EPS8L2: variants seen among roughly 807,000 people sequenced by gnomAD.
The protein encoded by EPS8L2 is epidermal growth factor receptor kinase substrate 8-like protein 2.
Under a neutral mutation model 99.4 loss-of-function variants are expected in EPS8L2, and 81 were observed. The ratio of observed to expected loss-of-function variants is 0.82; its 90% confidence interval spans 0.68 to 0.98. EPS8L2 has a LOEUF of 0.98. Ranked by LOEUF, EPS8L2 falls within the 50% of genes least tolerant of loss-of-function variation. The pLI, the probability that EPS8L2 is intolerant of heterozygous loss-of-function variation, is 0.00. For missense variants in EPS8L2, 1,155 were observed against 968.8 expected (o/e 1.19, Z -2.55); for synonymous variants, 509 against 407.3 (o/e 1.25, Z -3.01).
intron 4 of EPS8L2, among the ~76,000 whole-genome samples, chr11:718,136 C>T (rs1862068938): frequency 6.6e-6 from 1 of 152,174 alleles, no homozygotes; most frequent in Non-Finnish European, 1.5e-5. Flanking sequence ...AGTTTGAGAC[C>T]ATTCTGGCCA....
chr11:726,066 G>GAT, intron 17 of EPS8L2, 32 bp from the exon 18 acceptor site: 1 of 1,440,690 alleles, frequency 6.9e-7, no homozygotes, highest in Non-Finnish European at 9.6e-7. Context: ...GGGGCGGGGC[G>GAT]TGGGGAGCCT....
At chr11:721,411 G>A in intron 9 of EPS8L2, 59 bp downstream of exon 9, 1 of 1,518,764 alleles carries the variant, frequency 6.6e-7, no homozygotes, top group Non-Finnish European at 8.8e-7. Flanking sequence ...AGTGGACACT[G>A]GTCCTTGCTG....
Position 726,036 on chromosome 11 carries a change from C to T in EPS8L2, c.1681-62C>T. The T allele has an allele frequency of 2.9e-6, 3 of 1,052,276 alleles. No homozygotes were observed. In the South Asian group the frequency reaches 4.1e-5, roughly 15 times the overall value. The allele number at this position is 1,052,276 out of a possible 1,614,324, so 65.2% of individuals were successfully genotyped here. The stretch of plus-strand genomic sequence containing the variant: ...GGGGATTGGCGGGGTGGGGAGGTCC[C>T]GGGCAGGTGCTGGGAGGCGGGGGCG... On this transcript the variant is annotated intron_variant, in intron 17 of 20. Coordinates refer to ENST00000318562, the MANE Select transcript of EPS8L2 (RefSeq NM_022772.4).
rs373680859 is a variant in EPS8L2, at chr11:718,378, G to A, written c.166-1684G>A. ...AACAAACAAAAAAACCCGCCAAACC[G>A]ACAAAACACTAAAATAAAAGAGGCT... On this transcript the variant is annotated intron_variant, in intron 4 of 20. Transcript: ENST00000318562. Among the ~76,000 whole-genome samples the A allele has an allele frequency of 2.0e-4, 31 of 151,684 alleles. No homozygotes were observed. In the East Asian group the frequency reaches 2.9e-3, roughly 14 times the overall value.
At chr11:711,709 C>T (rs955480875) in intron 4 of EPS8L2, among the ~76,000 whole-genome samples, 1 of 152,028 alleles carries the variant, frequency 6.6e-6, no homozygotes, top group Non-Finnish European at 1.5e-5. Context: ...TTAGGCCAGG[C>T]GCGGTGGCTC....
chr11:719,589 A>G (rs1036162756), intron 4 of EPS8L2, among the ~76,000 whole-genome samples: 2 of 152,248 alleles, frequency 1.3e-5, no homozygotes, highest in African/African-American at 4.8e-5. Flanking sequence ...GGCAACCGGA[A>G]CAGTGCCTTG....
intron 18 of EPS8L2, 66 bp downstream of exon 18, chr11:726,236 G>GGA: frequency 6.4e-7 from 1 of 1,564,166 alleles, no homozygotes; most frequent in Non-Finnish European, 8.7e-7. Context: ...AAGTGTGGGG[G>GGA]GGGTCCCTGG....
At chr11:718,990 G>A (rs1862087867) in intron 4 of EPS8L2, among the ~76,000 whole-genome samples, 1 of 136,036 alleles carries the variant, frequency 7.4e-6, no homozygotes, top group African/African-American at 2.8e-5. Context: ...TTTTGAGACA[G>A]AGTCTTCCTC....
chr11:710,228 G>C (rs1861848290), intron 3 of EPS8L2, 194 bp from the exon 4 acceptor site: 2 of 590,218 alleles, frequency 3.4e-6, no homozygotes, highest in African/African-American at 1.9e-5. Context: ...CTTCTCCAAG[G>C]GGGCTTCCCT....
chr11:727,011 A>G lies in EPS8L2; in HGVS notation c.*30A>G. The stretch of plus-strand genomic sequence containing the variant: ...AGCTGCCTTGGGCTGGGGCCTGCGG[A>G]GGGGAAGCCCACCCACAATGCATGG... On this transcript the variant is annotated 3_prime_UTR_variant, in exon 21 of 21. Coordinates refer to ENST00000318562, the MANE Select transcript of EPS8L2 (RefSeq NM_022772.4). 2 of 1,483,208 alleles carry G rather than the reference A, an allele frequency of 1.3e-6. No individual in the cohort carries two copies. Among genetic ancestry groups the G allele is most frequent in the Non-Finnish European group, 9.4e-7 (1 of 1,065,664 alleles). 91.9% of individuals were successfully genotyped at this position (1,483,208 alleles called of 1,614,324 possible). A position where few individuals can be genotyped will look rare whatever the true frequency, so the allele number is the denominator to read the frequency against.
chr11:720,034 C>T (rs1176933391), intron 4 of EPS8L2, 28 bp from the exon 5 acceptor site: 2 of 1,597,464 alleles, frequency 1.3e-6, no homozygotes, highest in East Asian at 2.3e-5. Flanking sequence ...AGGGCTCTGC[C>T]CAGCAGTGAC....
Position 710,411 on chromosome 11 carries a change from T to C in EPS8L2, c.101-11T>C, listed in dbSNP as rs1171915971. 6.2e-7 allele frequency: 1 copy of C among 1,613,126 alleles called. No homozygotes were observed. The highest frequency in any genetic ancestry group is 8.5e-7 in the Non-Finnish European group (1 of 1,179,730). On this transcript the variant is annotated splice_polypyrimidine_tract_variant and intron_variant, in intron 3 of 20. Coordinates refer to ENST00000318562, the MANE Select transcript of EPS8L2 (RefSeq NM_022772.4). ...GCCCGTCGGGGGAGTGACTGGTGTC[T>C]CCCGGTTCAGAGCAGAGGAAGAAGT...
intron 7 of EPS8L2, 59 bp downstream of exon 7, chr11:720,968 G>A (rs1247336941): frequency 7.8e-7 from 1 of 1,287,300 alleles, no homozygotes; most frequent in Admixed American, 2.3e-5. Context: ...CCCGGCAGGG[G>A]AGGGGAGGAG....
chr11:718,481 ATTT>A (rs748666010), intron 4 of EPS8L2, among the ~76,000 whole-genome samples: 1 of 141,018 alleles, frequency 7.1e-6, no homozygotes, highest in African/African-American at 2.6e-5. Context: ...TGCTTTTTTA[ATTT>A]TTTTTTTTTT....
intron 4 of EPS8L2, 83 bp from the exon 5 acceptor site, chr11:719,979 G>GC: frequency 7.0e-7 from 1 of 1,432,670 alleles, no homozygotes; most frequent in Non-Finnish European, 9.4e-7. Flanking sequence ...TGGCCCCTCA[G>GC]CCCCTCAGGC....
rs778497159 is a variant in EPS8L2 at position 720,919 on chromosome 11, C to CGGGCGGAGCGGGGTCGCAGG, written c.557+17_557+36dup. ...GGCCGCAGACCCTGAAGTAGGGCAG[C>CGGGCGGAGCGGGGTCGCAGG]GGGCGGAGCGGGGTCGCAGGGGGCG... On this transcript the variant is annotated intron_variant, in intron 7 of 20. Coordinates refer to ENST00000318562, the MANE Select transcript of EPS8L2 (RefSeq NM_022772.4). 105 of 1,068,562 alleles carry CGGGCGGAGCGGGGTCGCAGG rather than the reference C, an allele frequency of 9.8e-5. No homozygotes were observed. Among genetic ancestry groups the CGGGCGGAGCGGGGTCGCAGG allele is most frequent in the South Asian group, 1.7e-4 (10 of 60,520 alleles). 66.2% of individuals were successfully genotyped at this position (1,068,562 alleles called of 1,614,324 possible).
chr11:722,404 G>T lies in EPS8L2; in HGVS notation c.1063G>T (p.Val355Phe). 6.2e-7 allele frequency: 1 copy of T among 1,612,708 alleles called. No individual in the cohort carries two copies. Among genetic ancestry groups the T allele is most frequent in the Non-Finnish European group, 8.5e-7 (1 of 1,179,806 alleles). ...HFLFGPLDLIVNTCSGPDIAR... is the reference protein window; with the variant it reads ...HFLFGPLDLIFNTCSGPDIAR... Reference sequence around the variant, plus strand: ...TCTGAACCTCACTGTGCCCCAGATCGTCAACACCTGCAGTGGCCCAGACAT... The same window carrying T: ...TCTGAACCTCACTGTGCCCCAGATCTTCAACACCTGCAGTGGCCCAGACAT... Residue 355 changes from valine (V) to phenylalanine (F), a missense_variant, in exon 13 of 21, where the codon GTC becomes TTC. By Grantham distance (50) the Val-to-Phe change is conservative. Transcript: ENST00000318562.
At chr11:720,958 C>CCCGGCAGGGGATGGGAGGAG in intron 7 of EPS8L2, 49 bp downstream of exon 7, 1 of 1,015,862 alleles carries the variant, frequency 9.8e-7, no homozygotes, top group Non-Finnish European at 1.3e-6. Context: ...AGGGGAGGAG[C>CCCGGCAGGGGATGGGAGGAG]CCGGCAGGGG....
rs781623636 is a variant in EPS8L2, at chr11:726,916, T to A, written c.2083T>A (p.Ser695Thr). The change falls in exon 21 of 21, where the codon TCG becomes ACG. Residue 695 changes from serine (S) to threonine (T), a missense_variant. Physicochemically the swap from Ser to Thr is moderately conservative, Grantham distance 58. Coordinates refer to ENST00000318562, the MANE Select transcript of EPS8L2 (RefSeq NM_022772.4). ...TCCTCCCTAGAAGCAGCAAAGTGGG[T>A]CGGAGCTGGAAGAACTCATGAACAA... The part of the protein sequence containing the change: ...KAFLEKQQSG[S>T]ELEELMNKFH... The A allele has an allele frequency of 1.2e-6, 2 of 1,613,126 alleles. No individual in the cohort carries two copies. The highest frequency in any genetic ancestry group is 1.7e-6 in the Non-Finnish European group (2 of 1,179,844).
Sources: allele counts gnomAD v4.1 joint callset (sites outside exome capture counted in the v4.1 genomes callset), GRCh38; gene constraint gnomAD v4.1.1; transcripts MANE v1.5; gene names NCBI Gene and HGNC (gene_info 2026-07-23, HGNC 2026-07-21).